COL19A1: variants seen among roughly 807,000 people sequenced by gnomAD.
COL19A1 encodes collagen type XIX alpha 1 chain, also known as collagen alpha-1(XIX) chain.
Under a neutral mutation model 190.2 loss-of-function variants are expected in COL19A1, and 159 were observed. That is an observed-to-expected ratio of 0.84 (90% CI 0.73 to 0.95). The LOEUF is 0.95. Among genes scored for constraint, COL19A1 ranks in the 40% least tolerant of loss-of-function variants. The pLI, the probability that COL19A1 is intolerant of heterozygous loss-of-function variation, is 0.00. For synonymous variants in COL19A1, 509 were observed against 458.9 expected, an observed-to-expected ratio of 1.11 and a Z score of -1.39; for missense variants, 1,418 against 1,431.9, an observed-to-expected ratio of 0.99 and a Z score of 0.16.
intron 19 of COL19A1, among the ~76,000 whole-genome samples, chr6:70,138,126 A>G (rs938375745): frequency 6.6e-6 from 1 of 152,174 alleles, no homozygotes; most frequent in African/African-American, 2.4e-5. Context: ...ATAACTAAAC[A>G]CTGCAGCTAA....
rs1770092603 is a variant in COL19A1 at position 69,900,293 on chromosome 6, A to G, written c.221A>G (p.Lys74Arg). 4.4e-6 allele frequency: 7 copies of G among 1,595,614 alleles called. No individual in the cohort carries two copies. The highest frequency in any genetic ancestry group is 6.0e-6 in the Non-Finnish European group (7 of 1,170,614). Residue 74 changes from lysine (K) to arginine (R), a missense_variant, in exon 4 of 51, where the codon AAA (lysine) becomes AGA (arginine). Physicochemically the swap from Lys to Arg is conservative, Grantham distance 26. Transcript: ENST00000620364. ...SLRRAFCESD[K>R]TCFKLGSALL... ...AGACGTGCATTTTGTGAAAGTGATA[A>G]AACCTGTTTCAAATTGGGAAGTGCA...
At chr6:70,049,953 G>T (rs951759843) in intron 14 of COL19A1, among the ~76,000 whole-genome samples, 1 of 151,918 alleles carries the variant, frequency 6.6e-6, no homozygotes, top group Non-Finnish European at 1.5e-5. Context: ...AAAAATGATT[G>T]GTCTCTAAAA....
At chr6:69,895,255 CAAG>C (rs1015896627) in intron 2 of COL19A1, among the ~76,000 whole-genome samples, 1 of 152,170 alleles carries the variant, frequency 6.6e-6, no homozygotes, top group Non-Finnish European at 1.5e-5. Context: ...CTCCCGACCC[CAAG>C]GAGCGACAGA....
chr6:70,034,483 T>C (rs1165147576), intron 13 of COL19A1, among the ~76,000 whole-genome samples, 185 bp downstream of exon 13: 1 of 152,206 alleles, frequency 6.6e-6, no homozygotes, highest in African/African-American at 2.4e-5. Flanking sequence ...AAAGACTAAA[T>C]GCACAATTGC....
At chr6:70,077,373 A>G (rs1047120767) in intron 15 of COL19A1, among the ~76,000 whole-genome samples, 3 of 152,210 alleles carry the variant, frequency 2.0e-5, no homozygotes, top group Non-Finnish European at 4.4e-5. Context: ...TTGGAATGGT[A>G]GTATTGAGAG....
At chr6:70,199,178 T>C (rs1767394126) in intron 48 of COL19A1, among the ~76,000 whole-genome samples, 1 of 152,254 alleles carries the variant, frequency 6.6e-6, no homozygotes, top group South Asian at 2.1e-4. Flanking sequence ...ACTCCAACTT[T>C]GGAAGACAGT....
intron 49 of COL19A1, among the ~76,000 whole-genome samples, chr6:70,202,348 C>T (rs925704107): frequency 3.1e-4 from 47 of 152,126 alleles, no homozygotes; most frequent in Non-Finnish European, 3.5e-4. Flanking sequence ...GCTAATAGAG[C>T]TTGTGGATGG....
chr6:70,026,849 T>A (rs1037662728), intron 12 of COL19A1, among the ~76,000 whole-genome samples: 1 of 152,188 alleles, frequency 6.6e-6, no homozygotes, highest in Non-Finnish European at 1.5e-5. Flanking sequence ...CTTTCTTTTT[T>A]AAAATACTAA....
chr6:70,189,335 G>A (rs1478770090), intron 47 of COL19A1, among the ~76,000 whole-genome samples: 3 of 152,068 alleles, frequency 2.0e-5, no homozygotes, highest in African/African-American at 7.2e-5. Flanking sequence ...ATCTAAGTAG[G>A]CTCTGCTTCA....
Position 70,039,234 on chromosome 6 carries a change from G to A in COL19A1, c.1170+3295G>A, listed in dbSNP as rs868836228. 7.9e-5 allele frequency among the ~76,000 whole-genome samples: 12 copies of A among 152,224 alleles called. No homozygotes were observed. The South Asian group carries it at 2.3e-3, about 29-fold the overall frequency. ...CCAAGCAGTTCTAATGTGCAGGCAC[G>A]CTCGAGAACTAAGGCTCTGAAAGCA... On this transcript the variant is annotated intron_variant, in intron 14 of 50. Coordinates refer to ENST00000620364, the MANE Select transcript of COL19A1 (RefSeq NM_001858.6).
chr6:69,988,057 C>A (rs1056590241), intron 11 of COL19A1, among the ~76,000 whole-genome samples: 4 of 152,140 alleles, frequency 2.6e-5, no homozygotes, highest in African/African-American at 9.7e-5. Flanking sequence ...TCACTATTGA[C>A]CCTGCTGTAA....
intron 15 of COL19A1, among the ~76,000 whole-genome samples, chr6:70,097,852 T>G (rs1783380265): frequency 6.6e-6 from 1 of 152,192 alleles, no homozygotes; most frequent in Non-Finnish European, 1.5e-5. Flanking sequence ...TTATCAGAGT[T>G]GCTTCTGAAC....
chr6:70,154,204 C>T (rs574417613), intron 31 of COL19A1, among the ~76,000 whole-genome samples: 21 of 144,256 alleles, frequency 1.5e-4, no homozygotes, highest in Non-Finnish European at 2.4e-4. Context: ...TGAGAACATA[C>T]GGTGTTTGGT....
intron 14 of COL19A1, among the ~76,000 whole-genome samples, chr6:70,064,629 G>C (rs550203822): frequency 0.017 from 2,551 of 151,962 alleles, 67 homozygotes; most frequent in African/African-American, 0.057. Flanking sequence ...GGCAGGAGAA[G>C]GAAATAAAGG....
intron 11 of COL19A1, among the ~76,000 whole-genome samples, chr6:69,972,558 A>C (rs1420867590): frequency 6.6e-6 from 1 of 152,234 alleles, no homozygotes; most frequent in African/African-American, 2.4e-5. Context: ...ATCTTGATGC[A>C]TTCAATTCAG....
intron 11 of COL19A1, among the ~76,000 whole-genome samples, chr6:70,002,849 A>AT (rs1398161376): frequency 1.6e-5 from 2 of 126,004 alleles, no homozygotes; most frequent in African/African-American, 3.0e-5. Context: ...GGATTCATTG[A>AT]TTTTTTGGAG....
Position 70,207,302 on chromosome 6 carries a change from G to T in COL19A1, c.*28G>T, listed in dbSNP as rs577731720. On this transcript the variant is annotated 3_prime_UTR_variant, in exon 51 of 51. Coordinates refer to ENST00000620364, the MANE Select transcript of COL19A1 (RefSeq NM_001858.6). ...ACACCTGAAGAAGACTTGGTTCCTG[G>T]TAACATTTCCTTGCCACTGGAGCTC... The T allele has an allele frequency of 6.3e-7, 1 of 1,592,422 alleles. No homozygotes were observed. The highest frequency in any genetic ancestry group is 1.1e-5 in the South Asian group (1 of 90,014).
At chr6:70,120,615 C>T (rs2150210476) in intron 16 of COL19A1, among the ~76,000 whole-genome samples, 2 of 152,292 alleles carry the variant, frequency 1.3e-5, no homozygotes, top group South Asian at 4.2e-4. Context: ...CTTACAATAG[C>T]TCCGTTATTG....
At chr6:70,105,748 G>A (rs966835562) in intron 16 of COL19A1, among the ~76,000 whole-genome samples, 2 of 152,114 alleles carry the variant, frequency 1.3e-5, no homozygotes, top group African/African-American at 2.4e-5. Flanking sequence ...TATATACCTC[G>A]CCCCAGTGGC....
Sources: allele counts gnomAD v4.1 joint callset (sites outside exome capture counted in the v4.1 genomes callset), GRCh38; gene constraint gnomAD v4.1.1; transcripts MANE v1.5; gene names NCBI Gene and HGNC (gene_info 2026-07-23, HGNC 2026-07-21).